Variants in PLB1 observed in about 807,000 individuals in gnomAD.
PLB1 encodes phospholipase B1, membrane-associated.
In PLB1, 242 loss-of-function variants were observed where a neutral mutation model predicts 227.4. The observed-to-expected ratio is 1.06, with a 90% CI of 0.96 to 1.18. The LOEUF (loss-of-function observed/expected upper bound fraction) is 1.18, where lower values mean the gene tolerates loss of function less well. Ranked by LOEUF, PLB1 falls within the 50% of genes most tolerant of loss-of-function variation. The probability of loss-of-function intolerance (pLI) is 0.00; values close to 1 mark genes in which losing one functional copy is unlikely to be tolerated. For synonymous variants in PLB1, 757 were observed against 682.2 expected (o/e 1.11, Z -1.71); for missense variants, 1,858 against 1,816.3 (o/e 1.02, Z -0.42).
rs756456895 is a variant in PLB1 at position 28,552,987 on chromosome 2, C to T, written c.1143C>T (p.Thr381=). Residue 381 remains threonine, a synonymous_variant, in exon 17 of 58, where the codon ACC becomes ACT. Transcript: ENST00000327757. ...PDKDPSDTVP[T]SVHRLKPADI... ...AAGACCCCTCCGATACGGTTCCCACCTCAGGTACACAGCTTGCACCCAGTG... is the reference window on the plus strand; with the variant it reads ...AAGACCCCTCCGATACGGTTCCCACTTCAGGTACACAGCTTGCACCCAGTG... 2 of 1,613,168 alleles carry T rather than the reference C, an allele frequency of 1.2e-6. No homozygotes were observed. Among genetic ancestry groups the T allele is most frequent in the South Asian group, 1.1e-5 (1 of 91,056 alleles).
At chr2:28,529,688 T>C (rs4473343) in intron 7 of PLB1, 40 bp from the exon 8 acceptor site, 1,488,420 of 1,602,846 alleles carry the variant, frequency 0.93, 692,594 homozygotes, top group East Asian at 0.99. Flanking sequence ...AACAAAATAA[T>C]ATTTAGCCAA....
rs575462836 is a variant in PLB1 at position 28,605,391 on chromosome 2, G to A, written c.2962-462G>A. Among the ~76,000 whole-genome samples, 6 of 152,242 alleles carry A rather than the reference G, an allele frequency of 3.9e-5. 1 individual carries two copies. The South Asian group carries it at 1.2e-3, about 32-fold the overall frequency. The stretch of plus-strand genomic sequence containing the variant: ...CTATGCACCCCCAGCACCTCCAGAT[G>A]AAGAGGCTGGAGTCAGGGGACCCAA... On this transcript the variant is annotated intron_variant, in intron 41 of 57. Transcript: ENST00000327757.
intron 33 of PLB1, chr2:28,594,276 C>T (rs1682528146): frequency 3.7e-6 from 1 of 269,936 alleles, no homozygotes; most frequent in Admixed American, 4.6e-5. Context: ...AGCAATTCGA[C>T]AAGAGGAAAG....
intron 22 of PLB1, 63 bp from the exon 23 acceptor site, chr2:28,579,564 T>G (rs1302744289): frequency 7.5e-7 from 1 of 1,335,164 alleles, no homozygotes; most frequent in Non-Finnish European, 1.1e-6. Context: ...TGCAAGCATT[T>G]TGTGTTTTCC....
At chr2:28,545,526 G>A (rs927667122) in intron 14 of PLB1, among the ~76,000 whole-genome samples, 7 of 152,244 alleles carry the variant, frequency 4.6e-5, no homozygotes, top group African/African-American at 9.6e-5. Context: ...CTCTGATTTC[G>A]GTCCCACTTT....
At chr2:28,596,931 T>G (rs557424355) in intron 33 of PLB1, among the ~76,000 whole-genome samples, 1 of 152,330 alleles carries the variant, frequency 6.6e-6, no homozygotes, top group South Asian at 2.1e-4. Context: ...CTTAGAAGTC[T>G]TTGCTGGTGG....
At chr2:28,610,071 G>T (rs1462246832) in intron 43 of PLB1, among the ~76,000 whole-genome samples, 1 of 152,066 alleles carries the variant, frequency 6.6e-6, no homozygotes, top group Non-Finnish European at 1.5e-5. Context: ...TATGGCCTCT[G>T]CTTAAATGTT....
rs1688235450 is a variant in PLB1 at position 28,629,100 on chromosome 2, A to G, written c.3733A>G (p.Arg1245Gly). ...ALDILSEELP[R>G]AFVNVVEVME... ...CACCCTCCACTCCCTGCAGCTCCCA[A>G]GGGCTTTCGTCAACGTGGTGGAGGT... The change falls in exon 53 of 58, where the codon AGG becomes GGG. Residue 1245 changes from arginine (R) to glycine (G), a missense_variant. By Grantham distance (125) the Arg-to-Gly change is moderately radical. Coordinates refer to ENST00000327757, the MANE Select transcript of PLB1 (RefSeq NM_153021.5). The G allele has an allele frequency of 1.2e-6, 2 of 1,613,548 alleles. No homozygotes were observed. Among genetic ancestry groups the G allele is most frequent in the Non-Finnish European group, 8.5e-7 (1 of 1,179,724 alleles).
At chr2:28,511,534 C>T (rs1668257789) in intron 1 of PLB1, among the ~76,000 whole-genome samples, 1 of 152,108 alleles carries the variant, frequency 6.6e-6, no homozygotes, top group African/African-American at 2.4e-5. Flanking sequence ...TGCCTTTTGC[C>T]TTCCATTGTT....
chr2:28,508,505 C>A (rs1667880354), intron 1 of PLB1, among the ~76,000 whole-genome samples: 1 of 152,148 alleles, frequency 6.6e-6, no homozygotes. Context: ...GACTCAGCAC[C>A]CACAGCTAGT....
At chr2:28,585,401 G>C (rs1338429916) in intron 25 of PLB1, among the ~76,000 whole-genome samples, 1 of 151,928 alleles carries the variant, frequency 6.6e-6, no homozygotes, top group Non-Finnish European at 1.5e-5. Context: ...TCAGCCTCCC[G>C]AGTAGCTGGG....
intron 1 of PLB1, among the ~76,000 whole-genome samples, chr2:28,506,145 G>C (rs1667614543): frequency 6.6e-6 from 1 of 152,190 alleles, no homozygotes; most frequent in South Asian, 2.1e-4. Context: ...GCTGTGCCTG[G>C]CTGGTAGTTA....
chr2:28,523,080 C>G (rs938048228), intron 4 of PLB1, among the ~76,000 whole-genome samples: 1 of 152,126 alleles, frequency 6.6e-6, no homozygotes, highest in Non-Finnish European at 1.5e-5. Context: ...CCTTGTAGAA[C>G]TTCAAAAATC....
At chr2:28,610,664 T>G (rs1180398543) in intron 43 of PLB1, among the ~76,000 whole-genome samples, 3 of 152,096 alleles carry the variant, frequency 2.0e-5, no homozygotes, top group Non-Finnish European at 4.4e-5. Flanking sequence ...TACATCTGGT[T>G]TGATCCAACC....
intron 2 of PLB1, among the ~76,000 whole-genome samples, 182 bp from the exon 3 acceptor site, chr2:28,518,284 T>C (rs1489643659): frequency 6.6e-6 from 1 of 152,258 alleles, no homozygotes; most frequent in Non-Finnish European, 1.5e-5. Flanking sequence ...AATAGACTTA[T>C]GTACGCTTTT....
At chr2:28,637,755 G>A (rs1393869723) in intron 56 of PLB1, among the ~76,000 whole-genome samples, 4 of 152,100 alleles carry the variant, frequency 2.6e-5, no homozygotes, top group Admixed American at 6.6e-5. Context: ...CCTTCTCCTG[G>A]ATTGCCCTTC....
At chr2:28,598,523 C>T in intron 34 of PLB1, 129 bp from the exon 35 acceptor site, 3 of 710,398 alleles carry the variant, frequency 4.2e-6, no homozygotes, top group South Asian at 3.3e-5. Context: ...CACTGCCTCC[C>T]TGCCTCTCCC....
At chr2:28,554,489 CTTTTTTTTTTTTT>C (rs536476788) in intron 17 of PLB1, among the ~76,000 whole-genome samples, 53,227 of 86,434 alleles carry the variant, frequency 0.62, 14,561 homozygotes, top group South Asian at 0.72. Context: ...CCACACCTGC[CTTTTTTTTTTTTT>C]TTTTTTTTTT....
chr2:28,607,618 C>G (rs1007574528), intron 43 of PLB1, among the ~76,000 whole-genome samples: 2 of 152,124 alleles, frequency 1.3e-5, no homozygotes, highest in Non-Finnish European at 2.9e-5. Flanking sequence ...AACACAGATG[C>G]CTCTAGTCCA....
Sources: allele counts gnomAD v4.1 joint callset (sites outside exome capture counted in the v4.1 genomes callset), GRCh38; gene constraint gnomAD v4.1.1; transcripts MANE v1.5; gene names NCBI Gene and HGNC (gene_info 2026-07-23, HGNC 2026-07-21).